HACD3: variants seen among roughly 807,000 people sequenced by gnomAD.
The protein encoded by HACD3 is 3-hydroxyacyl-CoA dehydratase 3, also known as very-long-chain (3R)-3-hydroxyacyl-CoA dehydratase 3.
A neutral mutation model predicts 55.2 loss-of-function variants in HACD3; 30 were observed. That is an observed-to-expected ratio of 0.54 (90% CI 0.41 to 0.74). The LOEUF is 0.74. Ranked by LOEUF, HACD3 falls within the 30% of genes least tolerant of loss-of-function variation. The pLI is 0.00. For missense variants in HACD3, 363 were observed against 440.1 expected (o/e 0.82, Z 1.57); for synonymous variants, 141 against 151.7 (o/e 0.93, Z 0.52).
At chr15:65,537,953 AAAAAAATATATATAT>A (rs2071977035) in intron 1 of HACD3, among the ~76,000 whole-genome samples, 1 of 13,910 alleles carries the variant, frequency 7.2e-5, no homozygotes, top group African/African-American at 1.5e-4. Context: ...AAAAAAAAAA[AAAAAAATATATATAT>A]ATATATATAT....
chr15:65,540,351 T>C (rs2072008286), intron 1 of HACD3, among the ~76,000 whole-genome samples: 1 of 152,152 alleles, frequency 6.6e-6, no homozygotes, highest in Admixed American at 6.6e-5. Flanking sequence ...AGACAATAGA[T>C]ATGTTAATAA....
chr15:65,571,568 C>T lies in HACD3; in HGVS notation c.794C>T (p.Thr265Met), dbSNP rs748385222. ...EIFRYSFYML[T>M]CIDMDWKVLT... The stretch of plus-strand genomic sequence containing the variant: ...AATAGGTACTCTTTCTACATGCTGA[C>T]GTGCATTGACATGGATTGGAAGGTG... Residue 265 changes from threonine to methionine, a missense_variant, in exon 9 of 11, where the codon ACG becomes ATG. Coordinates refer to ENST00000261875, the MANE Select transcript of HACD3 (RefSeq NM_016395.4). 2.7e-5 allele frequency: 44 copies of T among 1,613,230 alleles called. No homozygotes were observed. The highest frequency in any genetic ancestry group is 9.3e-5 in the African/African-American group (7 of 74,902).
chr15:65,558,555 A>G (rs772397310), intron 4 of HACD3, 125 bp from the exon 5 acceptor site: 32 of 834,604 alleles, frequency 3.8e-5, no homozygotes, highest in Non-Finnish European at 5.5e-5. Context: ...TCTCCCAATG[A>G]TGCACTGACC....
At chr15:65,562,123 G>T (rs902667106) in intron 5 of HACD3, among the ~76,000 whole-genome samples, 9 of 152,174 alleles carry the variant, frequency 5.9e-5, no homozygotes, top group Non-Finnish European at 1.2e-4. Context: ...AGACTTCATC[G>T]GATAGGCATG....
At chr15:65,538,378 A>G (rs1414700556) in intron 1 of HACD3, among the ~76,000 whole-genome samples, 3 of 152,216 alleles carry the variant, frequency 2.0e-5, no homozygotes, top group Non-Finnish European at 4.4e-5. Context: ...GAGGGGTTCA[A>G]GACTTCAGTG....
At chr15:65,555,449 A>G (rs1452362577) in intron 3 of HACD3, among the ~76,000 whole-genome samples, 1 of 152,172 alleles carries the variant, frequency 6.6e-6, no homozygotes, top group Non-Finnish European at 1.5e-5. Context: ...TGCAGATATC[A>G]TCAAAACTTC....
At chr15:65,568,918 G>C (rs940983866) in intron 7 of HACD3, among the ~76,000 whole-genome samples, 1 of 152,062 alleles carries the variant, frequency 6.6e-6, no homozygotes, top group East Asian at 1.9e-4. Flanking sequence ...GTCTTGCCAC[G>C]TGAAAATGAG....
intron 6 of HACD3, among the ~76,000 whole-genome samples, chr15:65,563,177 G>A (rs77787282): frequency 3.9e-4 from 59 of 152,202 alleles, no homozygotes; most frequent in African/African-American, 1.4e-3. Flanking sequence ...TTGTAAAAAT[G>A]TTCACTAACA....
chr15:65,534,080 G>A (rs1056398636), intron 1 of HACD3, among the ~76,000 whole-genome samples: 2 of 152,056 alleles, frequency 1.3e-5, no homozygotes. Context: ...AGAAACCAGT[G>A]GTTCTGGCTC....
chr15:65,541,964 C>T (rs1351021639), intron 1 of HACD3, among the ~76,000 whole-genome samples: 4 of 152,046 alleles, frequency 2.6e-5, no homozygotes, highest in Non-Finnish European at 5.9e-5. Context: ...GGTGCGGTGG[C>T]TCACGCCTGT....
rs368817434 is a variant in HACD3, at chr15:65,538,192, A to ACTGT, written c.87+7476_87+7479dup. On this transcript the variant is annotated intron_variant, in intron 1 of 10. Transcript: ENST00000261875. ...AGAAAATACTTTCCGTAAGGTTAAA[A>ACTGT]CTGTCGTAGGTAGTGATTCTGTGAT... Among the ~76,000 whole-genome samples, 1,221 of 152,114 alleles carry ACTGT rather than the reference A, an allele frequency of 8.0e-3. 18 individuals are homozygous for ACTGT. Among genetic ancestry groups the ACTGT allele is most frequent in the African/African-American group, 0.028 (1,166 of 41,490 alleles).
intron 7 of HACD3, among the ~76,000 whole-genome samples, chr15:65,569,044 G>A (rs186824714): frequency 4.1e-4 from 62 of 151,300 alleles, no homozygotes; most frequent in African/African-American, 1.3e-3. Context: ...TCAGGAGATC[G>A]AGACCATCCT....
In HACD3 at chr15:65,576,423, G is replaced by C; in HGVS notation, c.*44G>C. On this transcript the variant is annotated 3_prime_UTR_variant, in exon 11 of 11. Coordinates refer to ENST00000261875, the MANE Select transcript of HACD3 (RefSeq NM_016395.4). ...CTTCTTGCCAGTTTGAGCCTAATCT[G>C]ATTCTTACAGTTTTACCTTCTTGAA... 6.5e-7 allele frequency: 1 copy of C among 1,529,700 alleles called. No homozygotes were observed. The highest frequency in any genetic ancestry group is 1.2e-5 in the South Asian group (1 of 80,794). 94.8% of individuals were successfully genotyped at this position (1,529,700 alleles called of 1,614,324 possible).
chr15:65,561,184 G>C (rs1298346356), intron 5 of HACD3, among the ~76,000 whole-genome samples: 2 of 152,024 alleles, frequency 1.3e-5, no homozygotes, highest in Non-Finnish European at 2.9e-5. Context: ...GATGACTGGA[G>C]GGCCAGGCAC....
At chr15:65,554,821 C>A in intron 2 of HACD3, 66 bp from the exon 3 acceptor site, 2 of 1,152,898 alleles carry the variant, frequency 1.7e-6, no homozygotes, top group South Asian at 1.3e-5. Context: ...AGAACTGCAC[C>A]AAGCTGGCTT....
intron 1 of HACD3, among the ~76,000 whole-genome samples, chr15:65,539,283 C>T (rs990598530): frequency 7.5e-6 from 1 of 133,218 alleles, no homozygotes; most frequent in African/African-American, 2.9e-5. Context: ...TGCAATGGCT[C>T]AATCTTGGCT....
chr15:65,556,955 A>G (rs981096776), intron 4 of HACD3, 52 bp downstream of exon 4: 5 of 1,539,022 alleles, frequency 3.2e-6, no homozygotes, highest in South Asian at 1.2e-5. Context: ...TGGGGAACCC[A>G]CGTTATTCAG....
chr15:65,576,967 CTAT>C lies in HACD3; in HGVS notation c.*595_*597del, dbSNP rs1472348482. On this transcript the variant is annotated 3_prime_UTR_variant, in exon 11 of 11. Coordinates refer to ENST00000261875, the MANE Select transcript of HACD3 (RefSeq NM_016395.4). The stretch of plus-strand genomic sequence containing the variant: ...CTGACATCCTTTGGCCTAACAACAT[CTAT>C]TATTATAGTGCTCAGCAGTGTGGGC... The C allele has an allele frequency of 6.6e-6, 1 of 152,542 alleles. No individual in the cohort carries two copies. The highest frequency in any genetic ancestry group is 1.5e-5 in the Non-Finnish European group (1 of 68,338). 9.4% of individuals were successfully genotyped at this position (152,542 alleles called of 1,614,324 possible). A position where few individuals can be genotyped will look rare whatever the true frequency, so the allele number is the denominator to read the frequency against.
At chr15:65,536,515 C>G (rs541658352) in intron 1 of HACD3, among the ~76,000 whole-genome samples, 1 of 152,232 alleles carries the variant, frequency 6.6e-6, no homozygotes, top group Admixed American at 6.5e-5. Context: ...AATCCCAGCA[C>G]TTTGGGAGGC....
Sources: gnomAD v4.1 joint callset for allele counts (sites outside exome capture counted in the v4.1 genomes callset) on GRCh38, gnomAD v4.1.1 for gene constraint, MANE v1.5 for transcripts, NCBI Gene and HGNC (gene_info 2026-07-23, HGNC 2026-07-21) for gene names.